EEPD1: variants seen among roughly 807,000 people sequenced by gnomAD.
EEPD1 encodes endonuclease/exonuclease/phosphatase family domain-containing protein 1.
In EEPD1, 17 loss-of-function variants were observed where a neutral mutation model predicts 46.3. The ratio of observed to expected loss-of-function variants is 0.37; its 90% CI spans 0.25 to 0.55. The LOEUF is 0.55. EEPD1 is among the 20% of genes least tolerant of loss of function. The pLI is 0.83. For missense variants in EEPD1, 673 were observed against 745.6 expected, an observed-to-expected ratio of 0.90 and a Z score of 1.13; for synonymous variants, 313 against 315.6, an observed-to-expected ratio of 0.99 and a Z score of 0.09.
chr7:36,245,803 A>G (rs1296059415), intron 3 of EEPD1, among the ~76,000 whole-genome samples: 3 of 152,156 alleles, frequency 2.0e-5, no homozygotes, highest in African/African-American at 7.2e-5. Context: ...TTTTTTGTCA[A>G]ACATCCATTA....
intron 2 of EEPD1, among the ~76,000 whole-genome samples, chr7:36,210,366 G>A (rs1785905564): frequency 6.6e-6 from 1 of 152,190 alleles, no homozygotes; most frequent in African/African-American, 2.4e-5. Flanking sequence ...TGAGTCCAAT[G>A]AAATCCCCAT....
Position 36,301,502 on chromosome 7 carries a change from C to T in EEPD1, c.*2296C>T, listed in dbSNP as rs1787621668. ...TGTATTCATTATTAGCTACAGTGTT[C>T]ATAGTTTATATTAAAGTTCACTCTT... On this transcript the variant is annotated 3_prime_UTR_variant, in exon 8 of 8. Coordinates refer to ENST00000242108, the MANE Select transcript of EEPD1 (RefSeq NM_030636.3). 6.6e-6 allele frequency: 1 copy of T among 152,192 alleles called. No individual in the cohort carries two copies. Among genetic ancestry groups the T allele is most frequent in the Non-Finnish European group, 1.5e-5 (1 of 68,044 alleles). The allele number at this position is 152,192 out of a possible 1,614,324, so 9.4% of individuals were successfully genotyped here. A position where few individuals can be genotyped will look rare whatever the true frequency, so the allele number is the denominator to read the frequency against.
In EEPD1 at chr7:36,294,541, T is replaced by C. The variant is rs1359776997; in HGVS notation, c.1316-2452T>C. Among the ~76,000 whole-genome samples the C allele has an allele frequency of 2.6e-5, 4 of 152,220 alleles. No individual in the cohort carries two copies. In the East Asian group the frequency reaches 7.7e-4, roughly 29 times the overall value. On this transcript the variant is annotated intron_variant, in intron 6 of 7. Coordinates refer to ENST00000242108, the MANE Select transcript of EEPD1 (RefSeq NM_030636.3). ...AAAAAGTGAAATGTAAGAAATGAAA[T>C]GATAAGAAGAACTTAGTGGGTATTC...
At chr7:36,174,692 G>A (rs1270385987) in intron 2 of EEPD1, among the ~76,000 whole-genome samples, 2 of 152,194 alleles carry the variant, frequency 1.3e-5, no homozygotes, top group Admixed American at 1.3e-4. Flanking sequence ...CTGGGTGAAT[G>A]GTGACATACC....
Position 36,210,364 on chromosome 7 carries a change from A to G in EEPD1, c.879-28621A>G, listed in dbSNP as rs62445435. 3.8e-3 allele frequency among the ~76,000 whole-genome samples: 572 copies of G among 152,362 alleles called. 6 individuals carry two copies. The highest frequency in any genetic ancestry group is 6.1e-3 in the Admixed American group (94 of 15,302). On this transcript the variant is annotated intron_variant, in intron 2 of 7. Transcript: ENST00000242108. ...GCAAAGGGTATTTAATATGAGTCCA[A>G]TGAAATCCCCATGGAATTTTTAGGA...
intron 7 of EEPD1, 66 bp from the exon 8 acceptor site, chr7:36,298,941 A>G (rs1321153327): frequency 2.7e-5 from 42 of 1,569,956 alleles, no homozygotes; most frequent in Non-Finnish European, 3.4e-5. Context: ...CCACCTGCCA[A>G]TCCAGGACCT....
chr7:36,219,798 AGAGAGAGAGTGTGTGTGTGTGTGTGTGT>A (rs1170551764), intron 2 of EEPD1, among the ~76,000 whole-genome samples: 4 of 76,964 alleles, frequency 5.2e-5, no homozygotes, highest in Non-Finnish European at 1.2e-4. Flanking sequence ...AGAGAGAGAG[AGAGAGAGAGTGTGTGTGTGTGTGTGTGT>A]GTGTGTGTGT....
rs1787606242 is a variant in EEPD1, at chr7:36,300,632, C to T, written c.*1426C>T. On this transcript the variant is annotated 3_prime_UTR_variant, in exon 8 of 8. Transcript: ENST00000242108. ...AATGTGGACCAGTATCAAGAACCCT[C>T]CTGTCCCCACGCAGTGTAAACCCAG... 1 of 152,278 alleles carries T rather than the reference C, an allele frequency of 6.6e-6. No homozygotes were observed. Among genetic ancestry groups the T allele is most frequent in the South Asian group, 2.1e-4 (1 of 4,826 alleles). The allele number at this position is 152,278 out of a possible 1,614,324, so 9.4% of individuals were successfully genotyped here.
chr7:36,299,524 A>C lies in EEPD1; in HGVS notation c.*318A>C. 2 of 369,022 alleles carry C rather than the reference A, an allele frequency of 5.4e-6. No individual in the cohort carries two copies. The highest frequency in any genetic ancestry group is 1.0e-5 in the Non-Finnish European group (2 of 198,642). 22.9% of individuals were successfully genotyped at this position (369,022 alleles called of 1,614,324 possible). On this transcript the variant is annotated 3_prime_UTR_variant, in exon 8 of 8. Coordinates refer to ENST00000242108, the MANE Select transcript of EEPD1 (RefSeq NM_030636.3). ...GACTGGATGGCAGCACAAAGACAAT[A>C]TGAGCAGAGGGAGGAGAAGAAGGGG...
Position 36,287,592 on chromosome 7 carries a change from T to C in EEPD1, c.1177-47T>C, listed in dbSNP as rs757543726. ...AGTCGGTTGTAACGGATACAGGAAA[T>C]ATGAGCTTCTGAGCCTCTCCCTGTT... On this transcript the variant is annotated intron_variant, in intron 5 of 7. Coordinates refer to ENST00000242108, the MANE Select transcript of EEPD1 (RefSeq NM_030636.3). The C allele has an allele frequency of 3.8e-6, 6 of 1,592,652 alleles. 1 individual carries two copies. The South Asian group carries it at 6.8e-5, about 18-fold the overall frequency.
chr7:36,272,521 T>TG lies in EEPD1; in HGVS notation c.931-8594_931-8593insG, dbSNP rs1179083410. Among the ~76,000 whole-genome samples, 282 of 149,124 alleles carry TG rather than the reference T, an allele frequency of 1.9e-3. 2 individuals carry two copies. The highest frequency in any genetic ancestry group is 7.8e-3 in the Admixed American group (117 of 15,010). ...TTTTGTTGTTGTTTTTTTTTTTTTT[T>TG]TGTGCTCCCTTCGCTTATTTGTAAC... On this transcript the variant is annotated intron_variant, in intron 3 of 7. Transcript: ENST00000242108.
chr7:36,292,058 C>A (rs1286499735), intron 6 of EEPD1, among the ~76,000 whole-genome samples: 2 of 152,244 alleles, frequency 1.3e-5, no homozygotes, highest in East Asian at 3.8e-4. Flanking sequence ...CTTATGCACA[C>A]ATATTTAACT....
intron 2 of EEPD1, among the ~76,000 whole-genome samples, chr7:36,205,089 G>A (rs1785786929): frequency 6.6e-6 from 1 of 152,160 alleles, no homozygotes; most frequent in Non-Finnish European, 1.5e-5. Context: ...TGTCAACCAC[G>A]CTGACTTTTA....
chr7:36,295,045 G>A (rs1357021326), intron 6 of EEPD1, among the ~76,000 whole-genome samples: 1 of 152,052 alleles, frequency 6.6e-6, no homozygotes, highest in Non-Finnish European at 1.5e-5. Flanking sequence ...AGGCGTGGTG[G>A]TCCATACCTG....
chr7:36,224,655 C>T (rs1786201820), intron 2 of EEPD1, among the ~76,000 whole-genome samples: 1 of 152,018 alleles, frequency 6.6e-6, no homozygotes, highest in Non-Finnish European at 1.5e-5. Flanking sequence ...GGAAAAGCAA[C>T]AGAAAGGGAA....
intron 3 of EEPD1, among the ~76,000 whole-genome samples, chr7:36,253,543 A>G (rs906958067): frequency 1.3e-5 from 2 of 152,068 alleles, no homozygotes; most frequent in Non-Finnish European, 2.9e-5. Context: ...GAAAGTGGGT[A>G]TTGAACTCTC....
intron 6 of EEPD1, 99 bp from the exon 7 acceptor site, chr7:36,296,894 C>T: frequency 2.4e-6 from 3 of 1,245,524 alleles, no homozygotes; most frequent in Non-Finnish European, 3.4e-6. Context: ...CCATGGGAGT[C>T]AAGTCAGAGA....
intron 2 of EEPD1, among the ~76,000 whole-genome samples, chr7:36,167,175 C>T (rs1200130220): frequency 1.3e-5 from 2 of 152,136 alleles, no homozygotes; most frequent in African/African-American, 4.8e-5. Context: ...TTTAAAGGCC[C>T]TATCTCCAAA....
chr7:36,160,354 G>A (rs1286081034), intron 2 of EEPD1, among the ~76,000 whole-genome samples: 2 of 152,236 alleles, frequency 1.3e-5, no homozygotes, highest in Admixed American at 1.3e-4. Context: ...ATGGAGGTGA[G>A]GTGAAGAGAA....
Sources: allele counts gnomAD v4.1 joint callset (sites outside exome capture counted in the v4.1 genomes callset), GRCh38; gene constraint gnomAD v4.1.1; transcripts MANE v1.5; gene names NCBI Gene and HGNC (gene_info 2026-07-23, HGNC 2026-07-21).